The following AMN variants were observed in gnomAD, a reference collection of about 807,000 sequenced individuals.
AMN encodes amnion associated transmembrane protein.
A neutral mutation model predicts 49.1 loss-of-function variants in AMN; 40 were observed. That is an observed-to-expected ratio of 0.81 (90% CI 0.63 to 1.06). The LOEUF (loss-of-function observed/expected upper bound fraction) is 1.06. Among genes scored for constraint, AMN ranks in the 50% least tolerant of loss-of-function variants. The pLI is 0.00. For synonymous variants in AMN, 380 were observed against 313.3 expected, an observed-to-expected ratio of 1.21 and a Z score of -2.25; for missense variants, 701 against 662.8, an observed-to-expected ratio of 1.06 and a Z score of -0.63.
chr14:102,929,015 C>G (rs376189503), intron 5 of AMN, 40 bp downstream of exon 5: 8 of 1,594,604 alleles, frequency 5.0e-6, no homozygotes, highest in Non-Finnish European at 6.8e-6. Context: ...CCCCTCTCCC[C>G]ACCTCGGCCC....
At chr14:102,923,053 C>G (rs1370231156) in intron 1 of AMN, 1 of 357,124 alleles carries the variant, frequency 2.8e-6, no homozygotes, top group Non-Finnish European at 5.2e-6. Flanking sequence ...CTGCCGAGAG[C>G]AGCGAGTGTG....
At chr14:102,925,877 C>G (rs567320969) in intron 3 of AMN, among the ~76,000 whole-genome samples, 1 of 152,326 alleles carries the variant, frequency 6.6e-6, no homozygotes, top group South Asian at 2.1e-4. Flanking sequence ...GCCCTCCACA[C>G]CCCTGGCTCC....
intron 2 of AMN, 52 bp downstream of exon 2, chr14:102,923,881 T>C (rs1345810652): frequency 3.7e-6 from 6 of 1,612,806 alleles, no homozygotes; most frequent in East Asian, 2.2e-5. Flanking sequence ...CCTGAGACCG[T>C]GTGGCCCCGG....
intron 3 of AMN, among the ~76,000 whole-genome samples, chr14:102,925,165 T>A (rs1050732358): frequency 3.9e-5 from 6 of 152,204 alleles, no homozygotes; most frequent in Non-Finnish European, 8.8e-5. Flanking sequence ...CCTGCACACC[T>A]GCCAGCTCAG....
Position 102,930,648 on chromosome 14 carries a change from C to A in AMN, c.1330C>A (p.Pro444Thr). 1 of 1,599,200 alleles carries A rather than the reference C, an allele frequency of 6.3e-7. No individual in the cohort carries two copies. The change falls in exon 12 of 12, where the codon CCT (proline) becomes ACT (threonine). Residue 444 changes from proline (P) to threonine (T), a missense_variant. By Grantham distance (38) the Pro-to-Thr change is conservative. Coordinates refer to ENST00000299155, the MANE Select transcript of AMN (RefSeq NM_030943.4). ...CACCAGCCACAGTTACTTCGTCAAC[C>A]CTCTGTTCGCCGGGGCCGAGGCCGA... ...DSTSHSYFVN[P>T]LFAGAEAEA
Position 102,923,701 on chromosome 14 carries a change from T to A in AMN, c.44-10T>A. 1 of 1,609,456 alleles carries A rather than the reference T, an allele frequency of 6.2e-7. No individual in the cohort carries two copies. Among genetic ancestry groups the A allele is most frequent in the Non-Finnish European group, 8.5e-7 (1 of 1,176,958 alleles). On this transcript the variant is annotated splice_polypyrimidine_tract_variant and intron_variant, in intron 1 of 11. Transcript: ENST00000299155. ...AGAGCATCCCGGGCACTCAGTCGCC[T>A]CCTCCCCAGCACTGACCCAGGCGGT...
intron 4 of AMN, 42 bp downstream of exon 4, chr14:102,928,555 T>A (rs759014066): frequency 1.9e-6 from 3 of 1,571,610 alleles, no homozygotes; most frequent in Admixed American, 1.8e-5. Flanking sequence ...AAAGGCATGT[T>A]CAGGGGCGGG....
chr14:102,930,295 G>A lies in AMN; in HGVS notation c.1137G>A (p.Ala379=), dbSNP rs533317064. The A allele has an allele frequency of 5.8e-6, 8 of 1,370,730 alleles. No homozygotes were observed. The South Asian group carries it at 1.1e-4, about 18-fold the overall frequency. The allele number at this position is 1,370,730 out of a possible 1,614,324, so 84.9% of individuals were successfully genotyped here. A position where few individuals can be genotyped will look rare whatever the true frequency, so the allele number is the denominator to read the frequency against. The part of the protein sequence containing the change: ...VLLALLVLLV[A]PPLLRRAGRL... ...TGGCGCTGCTGGTCCTGCTGGTGGC[G>A]CCGCCGCTGCTGCGCCGCGCGGGGA... Residue 379 remains alanine (A), a synonymous_variant, in exon 10 of 12, where the codon GCG becomes GCA. Transcript: ENST00000299155.
chr14:102,926,380 G>A (rs1002565215), intron 3 of AMN, among the ~76,000 whole-genome samples: 5 of 152,078 alleles, frequency 3.3e-5, no homozygotes, highest in South Asian at 4.1e-4. Flanking sequence ...CCTGGGTGTT[G>A]TGGGTCTCTC....
Position 102,930,190 on chromosome 14 carries a change from G to T in AMN, c.1032G>T (p.Ala344=). 6.8e-7 allele frequency: 1 copy of T among 1,480,286 alleles called. No homozygotes were observed. Among genetic ancestry groups the T allele is most frequent in the South Asian group, 1.3e-5 (1 of 78,356 alleles). 91.7% of individuals were successfully genotyped at this position (1,480,286 alleles called of 1,614,324 possible). A position where few individuals can be genotyped will look rare whatever the true frequency, so the allele number is the denominator to read the frequency against. Reference sequence around the variant, plus strand: ...GCGAGGCCCTCGGCGTCCTGGAGGCGACCATGCGGGAGTCGGGCGCACACG... The same window carrying T: ...GCGAGGCCCTCGGCGTCCTGGAGGCTACCATGCGGGAGTCGGGCGCACACG... ...ENGEALGVLE[A]TMRESGAHVW... is the part of the protein sequence containing the mutation. The change falls in exon 10 of 12, where the codon GCG becomes GCT. Residue 344 remains alanine (A), a synonymous_variant. Transcript: ENST00000299155.
chr14:102,929,863 G>A, intron 8 of AMN, 61 bp from the exon 9 acceptor site: 1 of 1,547,450 alleles, frequency 6.5e-7, no homozygotes. Context: ...TGCCCTTAGC[G>A]TCCCCATAGG....
intron 1 of AMN, 179 bp from the exon 2 acceptor site, chr14:102,923,532 C>T (rs1361886686): frequency 6.2e-6 from 4 of 647,302 alleles, no homozygotes; most frequent in South Asian, 5.3e-5. Flanking sequence ...AGCGCCCGGG[C>T]AGGGCGCCCA....
chr14:102,930,295 G>T lies in AMN; in HGVS notation c.1137G>T (p.Ala379=), dbSNP rs533317064. ...TGGCGCTGCTGGTCCTGCTGGTGGC[G>T]CCGCCGCTGCTGCGCCGCGCGGGGA... ...VLLALLVLLV[A]PPLLRRAGRL... The change falls in exon 10 of 12, where the codon GCG becomes GCT. Residue 379 remains alanine, a synonymous_variant. Coordinates refer to ENST00000299155, the MANE Select transcript of AMN (RefSeq NM_030943.4). The T allele has an allele frequency of 2.9e-4, 395 of 1,370,732 alleles. 2 individuals are homozygous for T. In the African/African-American group the frequency reaches 5.4e-3, roughly 19 times the overall value. The allele number at this position is 1,370,732 out of a possible 1,614,324, so 84.9% of individuals were successfully genotyped here. A position where few individuals can be genotyped will look rare whatever the true frequency, so the allele number is the denominator to read the frequency against.
chr14:102,929,469 C>T lies in AMN; in HGVS notation c.693C>T (p.Gly231=), dbSNP rs1330619092. The change falls in exon 7 of 12, where the codon GGC becomes GGT. Residue 231 remains glycine, a synonymous_variant. Coordinates refer to ENST00000299155, the MANE Select transcript of AMN (RefSeq NM_030943.4). ...GCGCGGCCCTGCTCCAGCCCCTGGG[C>T]GGCCGCTGCCCCCAGGCCGCCTGCC... The part of the protein sequence containing the change: ...WICAALLQPL[G]GRCPQAACHS... 7 of 1,531,434 alleles carry T rather than the reference C, an allele frequency of 4.6e-6. No individual in the cohort carries two copies. The East Asian group carries it at 1.5e-4, about 32-fold the overall frequency. 94.9% of individuals were successfully genotyped at this position (1,531,434 alleles called of 1,614,324 possible).
Position 102,930,057 on chromosome 14 carries a change from G to C in AMN, c.977G>C (p.Arg326Pro). 1 of 1,545,702 alleles carries C rather than the reference G, an allele frequency of 6.5e-7. No individual in the cohort carries two copies. Among genetic ancestry groups the C allele is most frequent in the Non-Finnish European group, 8.7e-7 (1 of 1,146,068 alleles). The change falls in exon 9 of 12, where the codon CGG becomes CCG. Residue 326 changes from arginine (R) to proline (P), a missense_variant. Physicochemically the swap from Arg to Pro is moderately radical, Grantham distance 103. Coordinates refer to ENST00000299155, the MANE Select transcript of AMN (RefSeq NM_030943.4). ...ACAGGCGGAGCGGGGCGGCTGGCCC[G>C]GGCCCTCCTGGCGGACGTCGCCGAG... ...PETGGAGRLA[R>P]ALLADVAENG...
intron 8 of AMN, 55 bp from the exon 9 acceptor site, chr14:102,929,869 A>G: frequency 1.9e-6 from 3 of 1,548,298 alleles, no homozygotes; most frequent in Non-Finnish European, 2.6e-6. Context: ...TAGCGTCCCC[A>G]TAGGCTCGGG....
Position 102,930,463 on chromosome 14 carries a change from G to A in AMN, c.1227G>A (p.Pro409=), listed in dbSNP as rs1286610727. ...GAGCGCCCCTCGGCTTCCGCAACCC[G>A]GTGTTCGACGTGACGGCCTCCGAGG... The part of the protein sequence containing the change: ...PAGAPLGFRN[P]VFDVTASEEL... Residue 409 remains proline (P), a synonymous_variant, in exon 11 of 12, where the codon CCG becomes CCA. Coordinates refer to ENST00000299155, the MANE Select transcript of AMN (RefSeq NM_030943.4). 2 of 1,530,250 alleles carry A rather than the reference G, an allele frequency of 1.3e-6. No homozygotes were observed. Among genetic ancestry groups the A allele is most frequent in the Non-Finnish European group, 1.8e-6 (2 of 1,141,888 alleles). 94.8% of individuals were successfully genotyped at this position (1,530,250 alleles called of 1,614,324 possible).
Position 102,928,750 on chromosome 14 carries a change from C to T in AMN, c.296-8C>T, listed in dbSNP as rs1891250346. The T allele has an allele frequency of 1.2e-6, 2 of 1,605,534 alleles. No individual in the cohort carries two copies. The highest frequency in any genetic ancestry group is 1.1e-5 in the South Asian group (1 of 90,654). ...TTCCGTGGAGCTCAGGGATGTGCTC[C>T]GGCTCAGGCGAACCTGCCGTCTTCC... is the stretch of plus-strand genomic sequence containing the variant. On this transcript the variant is annotated splice_polypyrimidine_tract_variant and splice_region_variant and intron_variant, in intron 4 of 11. Transcript: ENST00000299155.
Position 102,930,789 on chromosome 14 carries a change from C to A in AMN, c.*109C>A. The A allele has an allele frequency of 8.0e-7, 1 of 1,253,938 alleles. No homozygotes were observed. Among genetic ancestry groups the A allele is most frequent in the Non-Finnish European group, 1.1e-6 (1 of 890,400 alleles). The allele number at this position is 1,253,938 out of a possible 1,614,324, so 77.7% of individuals were successfully genotyped here. ...CCCCAAACCTCCCCTTCCTTTCCCC[C>A]TCCTCCGGGGGCCAAGGACAGGGTG... On this transcript the variant is annotated 3_prime_UTR_variant, in exon 12 of 12. Transcript: ENST00000299155.
Sources: gnomAD v4.1 joint callset for allele counts (sites outside exome capture counted in the v4.1 genomes callset) on GRCh38, gnomAD v4.1.1 for gene constraint, MANE v1.5 for transcripts, NCBI Gene and HGNC (gene_info 2026-07-23, HGNC 2026-07-21) for gene names.